Variants in PTPRT observed in about 807,000 individuals in gnomAD.
PTPRT encodes protein tyrosine phosphatase receptor type T.
Under a neutral mutation model 176.8 loss-of-function variants are expected in PTPRT, and 56 were observed. The ratio of observed to expected loss-of-function variants is 0.32; its 90% CI spans 0.26 to 0.40. The LOEUF is 0.40. PTPRT is among the 10% of genes least tolerant of loss of function. The probability of loss-of-function intolerance (pLI) is 1.00; values close to 1 mark genes in which losing one functional copy is unlikely to be tolerated. For missense variants in PTPRT, 1,540 were observed against 1,908.2 expected, an observed-to-expected ratio of 0.81 and a Z score of 3.60; for synonymous variants, 783 against 739.0, an observed-to-expected ratio of 1.06 and a Z score of -0.96.
rs1363104165 is a variant in PTPRT at position 42,895,001 on chromosome 20, T to C, written c.89-9069A>G. ...GAGCTGTTCAGACAGATTCAAGATG[T>C]AGCAAGAATAAATGGTTACAGGGCA... On this transcript the variant is annotated intron_variant, in intron 1 of 30. Transcript: ENST00000373187. 2.0e-5 allele frequency among the ~76,000 whole-genome samples: 3 copies of C among 152,308 alleles called. No homozygotes were observed. In the East Asian group the frequency reaches 5.8e-4, roughly 29 times the overall value.
chr20:42,740,552 G>A (rs181817391), intron 6 of PTPRT, among the ~76,000 whole-genome samples: 1 of 152,342 alleles, frequency 6.6e-6, no homozygotes, highest in East Asian at 1.9e-4. Flanking sequence ...TCCCAGCCCA[G>A]GTAGGTGTCA....
At chr20:42,267,168 G>A (rs1364846515) in intron 13 of PTPRT, among the ~76,000 whole-genome samples, 1 of 152,164 alleles carries the variant, frequency 6.6e-6, no homozygotes, top group Non-Finnish European at 1.5e-5. Context: ...TTCACTTTCA[G>A]TACAGTATTC....
At chr20:42,541,045 G>T (rs1357837346) in intron 7 of PTPRT, among the ~76,000 whole-genome samples, 1 of 152,024 alleles carries the variant, frequency 6.6e-6, no homozygotes, top group African/African-American at 2.4e-5. Context: ...GGTGAGAGAA[G>T]TTGGAGTCTA....
At chr20:42,623,449 A>C (rs1324548784) in intron 7 of PTPRT, among the ~76,000 whole-genome samples, 7 of 152,222 alleles carry the variant, frequency 4.6e-5, no homozygotes, top group Non-Finnish European at 1.0e-4. Context: ...GGAAGCAGGG[A>C]ACTCTCCTGT....
chr20:42,758,456 C>T (rs941634705), intron 5 of PTPRT, among the ~76,000 whole-genome samples: 1 of 152,052 alleles, frequency 6.6e-6, no homozygotes, highest in African/African-American at 2.4e-5. Context: ...TATCCCAGGC[C>T]CCCATCAAAG....
chr20:42,799,388 C>T (rs1285241715), intron 2 of PTPRT, among the ~76,000 whole-genome samples: 2 of 152,122 alleles, frequency 1.3e-5, no homozygotes, highest in African/African-American at 2.4e-5. Flanking sequence ...AGACTTTTTA[C>T]CCAGCATACT....
intron 23 of PTPRT, among the ~76,000 whole-genome samples, chr20:42,107,485 G>C (rs952712497): frequency 6.6e-6 from 1 of 152,232 alleles, no homozygotes; most frequent in Non-Finnish European, 1.5e-5. Flanking sequence ...CAAGTTTCTT[G>C]ATACATACTT....
intron 2 of PTPRT, among the ~76,000 whole-genome samples, chr20:42,812,034 T>C (rs1453074360): frequency 6.6e-6 from 1 of 151,024 alleles, no homozygotes; most frequent in Non-Finnish European, 1.5e-5. Context: ...ATCTTTGACA[T>C]TGAATCCTGC....
chr20:43,150,712 T>C (rs4516501), intron 1 of PTPRT, among the ~76,000 whole-genome samples: 130,757 of 151,916 alleles, frequency 0.86, 57,422 homozygotes, highest in South Asian at 0.96. Context: ...CCTCCTCGGC[T>C]TCCCAAAGTG....
At chr20:42,704,816 G>T (rs936267152) in intron 6 of PTPRT, among the ~76,000 whole-genome samples, 5 of 152,164 alleles carry the variant, frequency 3.3e-5, no homozygotes, top group Non-Finnish European at 7.3e-5. Context: ...AGAGGCTCCA[G>T]GTATTGGCTG....
At chr20:42,180,781 C>T (rs1990484283) in intron 16 of PTPRT, among the ~76,000 whole-genome samples, 1 of 152,100 alleles carries the variant, frequency 6.6e-6, no homozygotes, top group African/African-American at 2.4e-5. Context: ...TTTAAGACAC[C>T]ACTGTCCCAG....
chr20:42,994,571 A>C (rs1469410192), intron 1 of PTPRT, among the ~76,000 whole-genome samples: 1 of 152,180 alleles, frequency 6.6e-6, no homozygotes, highest in Non-Finnish European at 1.5e-5. Flanking sequence ...GATGCCAGGC[A>C]CACATCCCAA....
At chr20:42,963,494 T>A (rs1382555998) in intron 1 of PTPRT, among the ~76,000 whole-genome samples, 1 of 151,852 alleles carries the variant, frequency 6.6e-6, no homozygotes, top group African/African-American at 2.4e-5. Context: ...GTTACATTTT[T>A]AAAAGTTGGT....
chr20:42,933,430 G>A (rs1461651816), intron 1 of PTPRT, among the ~76,000 whole-genome samples: 1 of 152,052 alleles, frequency 6.6e-6, no homozygotes, highest in Non-Finnish European at 1.5e-5. Context: ...ACTCTTCCCT[G>A]AACCCTTTGA....
intron 1 of PTPRT, among the ~76,000 whole-genome samples, chr20:42,898,683 T>C (rs1231229189): frequency 1.3e-5 from 2 of 152,156 alleles, no homozygotes; most frequent in Non-Finnish European, 2.9e-5. Context: ...ATTTGTACAT[T>C]ATGAAAAAAG....
rs2076072309 is a variant in PTPRT at position 42,707,140 on chromosome 20, T to C, written c.860-28981A>G. ...CTGTCAGACTCTTAGCCTCCAGAAC[T>C]GTGAGTGAATAAATTTCTGTGTGTT... On this transcript the variant is annotated intron_variant, in intron 6 of 30. Transcript: ENST00000373187. Among the ~76,000 whole-genome samples the C allele has an allele frequency of 1.3e-5, 2 of 152,186 alleles. 1 individual carries two copies. Among genetic ancestry groups the C allele is most frequent in the African/African-American group, 4.8e-5 (2 of 41,446 alleles).
At chr20:42,869,987 T>G (rs993543304) in intron 2 of PTPRT, among the ~76,000 whole-genome samples, 1 of 152,172 alleles carries the variant, frequency 6.6e-6, no homozygotes, top group Non-Finnish European at 1.5e-5. Context: ...GCCACCATCT[T>G]TGAAATAGAA....
At chr20:42,832,405 T>C (rs2078104433) in intron 2 of PTPRT, among the ~76,000 whole-genome samples, 2 of 152,092 alleles carry the variant, frequency 1.3e-5, no homozygotes, top group South Asian at 2.1e-4. Flanking sequence ...AAATTAACTA[T>C]TGGGTACTGA....
At chr20:42,305,745 T>C (rs756003673) in intron 12 of PTPRT, among the ~76,000 whole-genome samples, 1 of 152,162 alleles carries the variant, frequency 6.6e-6, no homozygotes, top group Non-Finnish European at 1.5e-5. Flanking sequence ...ACACATCTCA[T>C]CCCTGTTTGA....
Sources: allele counts gnomAD v4.1 joint callset (sites outside exome capture counted in the v4.1 genomes callset), GRCh38; gene constraint gnomAD v4.1.1; transcripts MANE v1.5; gene names NCBI Gene and HGNC (gene_info 2026-07-23, HGNC 2026-07-21).